The following DPP6 variants were observed in gnomAD, a reference collection of about 807,000 sequenced individuals.
DPP6 encodes the protein dipeptidyl peptidase like 6, also known as A-type potassium channel modulatory protein DPP6.
A neutral mutation model predicts 122.6 loss-of-function variants in DPP6; 69 were observed. That is an observed-to-expected ratio of 0.56 (90% CI 0.46 to 0.69). The LOEUF is 0.69. DPP6 is among the 30% of genes least tolerant of loss of function. The pLI, the probability that DPP6 is intolerant of heterozygous loss-of-function variation, is 0.00. For synonymous variants in DPP6, 418 were observed against 433.1 expected (o/e 0.97, Z 0.43); for missense variants, 928 against 1,116.9 (o/e 0.83, Z 2.41).
At chr7:154,769,157 G>T (rs995535050) in intron 8 of DPP6, among the ~76,000 whole-genome samples, 12 of 152,204 alleles carry the variant, frequency 7.9e-5, no homozygotes, top group Non-Finnish European at 1.6e-4. Flanking sequence ...AGTGTTTCCA[G>T]ACGATTAGCA....
Position 154,414,219 on chromosome 7 carries a change from C to T in DPP6, c.244-31995C>T, listed in dbSNP as rs748753377. ...ATTTGGCTCATGAATGTTACTACTC[C>T]GACCAACAAAATTCAAATGCTCCAC... is the stretch of plus-strand genomic sequence containing the variant. On this transcript the variant is annotated intron_variant, in intron 1 of 25. Transcript: ENST00000377770. 2.3e-4 allele frequency among the ~76,000 whole-genome samples: 35 copies of T among 152,124 alleles called. 1 individual carries two copies. Among genetic ancestry groups the T allele is most frequent in the Admixed American group, 1.8e-3 (28 of 15,272 alleles).
chr7:153,951,871 C>T (rs536101812), intron 1 of DPP6, among the ~76,000 whole-genome samples: 6 of 152,072 alleles, frequency 3.9e-5, no homozygotes, highest in Admixed American at 6.6e-5. Flanking sequence ...GGTGAAACCC[C>T]GTCTCTACTA....
chr7:153,755,376 CTTT>C, the DPP6 span, among the ~76,000 whole-genome samples: 1 of 142,862 alleles, frequency 7.0e-6, no homozygotes, highest in Middle Eastern at 3.5e-3. Flanking sequence ...CACTCAGTCT[CTTT>C]TTTATTTTCT....
chr7:153,934,887 C>T (rs1245214771), intron 1 of DPP6, among the ~76,000 whole-genome samples: 5 of 152,154 alleles, frequency 3.3e-5, no homozygotes, highest in Non-Finnish European at 7.3e-5. Flanking sequence ...TCACATGAGC[C>T]GACACTGCCA....
In DPP6 at chr7:154,821,629, T is replaced by TATAA; in HGVS notation, c.1666+14520_1666+14521insAATA. Among the ~76,000 whole-genome samples, 1 of 64,470 alleles carries TATAA rather than the reference T, an allele frequency of 1.6e-5. No homozygotes were observed. The highest frequency in any genetic ancestry group is 1.1e-4 in the African/African-American group (1 of 9,476). 42.3% of individuals were successfully genotyped at this position (64,470 alleles called of 152,430 possible). A position where few individuals can be genotyped will look rare whatever the true frequency, so the allele number is the denominator to read the frequency against. ...TATATATATATATATTTTTTTTCTG[T>TATAA]ATATATATATATATATACACATATA... On this transcript the variant is annotated intron_variant, in intron 16 of 25. Coordinates refer to ENST00000377770, the MANE Select transcript of DPP6 (RefSeq NM_130797.4). The surrounding 1 kb of genome is among the most constrained non-coding windows in gnomAD (Gnocchi z 4.2).
At chr7:154,888,313 C>T (rs77183934) in intron 23 of DPP6, among the ~76,000 whole-genome samples, 5,811 of 152,078 alleles carry the variant, frequency 0.038, 148 homozygotes, top group East Asian at 0.059. Flanking sequence ...GGTCTCCAAC[C>T]CCTGACCTCA....
At chr7:153,826,792 T>C in the DPP6 span, among the ~76,000 whole-genome samples, 1 of 152,148 alleles carries the variant, frequency 6.6e-6, no homozygotes, top group Non-Finnish European at 1.5e-5. Flanking sequence ...ATGATAGCCA[T>C]GAAATTTAGC....
At chr7:154,789,670 G>A (rs369881711) in intron 10 of DPP6, among the ~76,000 whole-genome samples, 21 of 152,216 alleles carry the variant, frequency 1.4e-4, no homozygotes, top group African/African-American at 4.6e-4. Context: ...GTCCACACTC[G>A]ATGTGGTGTA....
chr7:154,546,038 T>C (rs1315523438), intron 4 of DPP6, among the ~76,000 whole-genome samples: 4 of 152,200 alleles, frequency 2.6e-5, no homozygotes, highest in Non-Finnish European at 5.9e-5. Flanking sequence ...GGAATGCTTC[T>C]GTACAAAGTT....
rs754418990 is a variant in DPP6 at position 154,880,869 on chromosome 7, C to T, written c.2079-19C>T. On this transcript the variant is annotated intron_variant, in intron 20 of 25. Transcript: ENST00000377770. ...GCAGGATGTGCACTGAACCCTCTTTCCCCTCCTCGACCTCACAGGACGATG... is the reference window on the plus strand; with the variant it reads ...GCAGGATGTGCACTGAACCCTCTTTTCCCTCCTCGACCTCACAGGACGATG... The T allele has an allele frequency of 8.1e-6, 13 of 1,613,914 alleles. No homozygotes were observed. In the South Asian group the frequency reaches 1.4e-4, roughly 18 times the overall value.
At chr7:153,786,453 C>G in the DPP6 span, among the ~76,000 whole-genome samples, 2 of 151,252 alleles carry the variant, frequency 1.3e-5, no homozygotes, top group Non-Finnish European at 3.0e-5. Flanking sequence ...AAATGGTATA[C>G]TACTGGCCGG....
At chr7:154,498,137 CACAGTTGAT>C (rs1282462190) in intron 3 of DPP6, among the ~76,000 whole-genome samples, 1 of 152,128 alleles carries the variant, frequency 6.6e-6, no homozygotes, top group Non-Finnish European at 1.5e-5. Context: ...ATGAGATTGC[CACAGTTGAT>C]ACAGCTCAGA....
intron 1 of DPP6, chr7:154,027,077 A>T (rs1265239488): frequency 6.8e-6 from 1 of 147,986 alleles, no homozygotes; most frequent in Non-Finnish European, 1.5e-5. Flanking sequence ...AATGCAAAAG[A>T]GATTTGTTGT....
At chr7:154,738,180 G>A (rs1042191781) in intron 8 of DPP6, among the ~76,000 whole-genome samples, 5 of 152,206 alleles carry the variant, frequency 3.3e-5, no homozygotes, top group Non-Finnish European at 2.9e-5. Flanking sequence ...TGGAAAAGGC[G>A]GGGGTATTTT....
At chr7:154,641,050 G>T (rs10276974) in intron 6 of DPP6, among the ~76,000 whole-genome samples, 38,983 of 151,704 alleles carry the variant, frequency 0.26, 5,239 homozygotes, top group African/African-American at 0.36. Flanking sequence ...CCTTCCTTTT[G>T]GCAAATGGCA....
chr7:153,865,789 C>T, the DPP6 span, among the ~76,000 whole-genome samples: 1 of 149,746 alleles, frequency 6.7e-6, no homozygotes, highest in Admixed American at 6.7e-5. Flanking sequence ...TCTCCTAATG[C>T]TATCCTTCCC....
At chr7:154,067,742 T>G (rs575401514) in intron 1 of DPP6, among the ~76,000 whole-genome samples, 1 of 151,794 alleles carries the variant, frequency 6.6e-6, no homozygotes, top group African/African-American at 2.4e-5. Flanking sequence ...AGTGTAAGAG[T>G]TTTTGTTTGT....
intron 3 of DPP6, among the ~76,000 whole-genome samples, chr7:154,485,936 C>G (rs909314250): frequency 6.9e-6 from 1 of 145,852 alleles, no homozygotes; most frequent in Non-Finnish European, 1.5e-5. Context: ...AATGCTATCC[C>G]TCCCCCCTCC....
chr7:154,823,369 GT>G (rs1799927373), intron 16 of DPP6, among the ~76,000 whole-genome samples: 1 of 88,700 alleles, frequency 1.1e-5, no homozygotes, highest in Non-Finnish European at 3.5e-5. Flanking sequence ...GATCCTAACT[GT>G]AAAATAATAA....
Sources: gnomAD v4.1 joint callset for allele counts (sites outside exome capture counted in the v4.1 genomes callset) on GRCh38, gnomAD v4.1.1 for gene constraint, Gnocchi (gnomAD v3.1) non-coding constraint, MANE v1.5 for transcripts, NCBI Gene and HGNC (gene_info 2026-07-23, HGNC 2026-07-21) for gene names.